Variants in TENM3 observed in about 807,000 individuals in gnomAD.
TENM3 encodes the protein teneurin transmembrane protein 3.
In TENM3, 63 loss-of-function variants were observed where a neutral mutation model predicts 255.1. That is an observed-to-expected ratio of 0.25 (90% confidence interval 0.20 to 0.30). The LOEUF is 0.30. Among genes scored for constraint, TENM3 ranks in the 10% least tolerant of loss-of-function variants. The probability of loss-of-function intolerance (pLI) is 1.00; values close to 1 mark genes in which losing one functional copy is unlikely to be tolerated. For synonymous variants in TENM3, 1,306 were observed against 1,322.3 expected (o/e 0.99, Z 0.27); for missense variants, 2,929 against 3,461.1 (o/e 0.85, Z 3.86).
At chr4:181,605,569 AGAGAGAGAAAGAAAG>A in the TENM3 span, among the ~76,000 whole-genome samples, 20,435 of 52,796 alleles carry the variant, frequency 0.39, 4,885 homozygotes, top group Non-Finnish European at 0.5. Flanking sequence ...AAAGAAAGAA[AGAGAGAGAAAGAAAG>A]GAAAGAAAGA....
the TENM3 span, among the ~76,000 whole-genome samples, chr4:181,864,581 G>T: frequency 6.6e-6 from 1 of 152,128 alleles, no homozygotes; most frequent in Non-Finnish European, 1.5e-5. Flanking sequence ...CTGGGAAACC[G>T]GTGTGGGTAA....
At chr4:182,731,544 G>A (rs886291454) in intron 16 of TENM3, among the ~76,000 whole-genome samples, 6 of 150,718 alleles carry the variant, frequency 4.0e-5, no homozygotes, top group South Asian at 2.1e-4. Context: ...AAAAACCCAC[G>A]GATTATAGAA....
At chr4:182,041,249 A>C in the TENM3 span, among the ~76,000 whole-genome samples, 1 of 152,190 alleles carries the variant, frequency 6.6e-6, no homozygotes, top group South Asian at 2.1e-4. Flanking sequence ...GATCTTCAAC[A>C]TAACCTTGAT....
At chr4:181,763,595 C>A in the TENM3 span, among the ~76,000 whole-genome samples, 1 of 152,126 alleles carries the variant, frequency 6.6e-6, no homozygotes, top group Non-Finnish European at 1.5e-5. Flanking sequence ...CAGAACCACA[C>A]CTATCACTTA....
In TENM3 at chr4:182,421,198, ATCT is replaced by A. The variant is rs139309780; in HGVS notation, c.511+74272_511+74274del. On this transcript the variant is annotated intron_variant, in intron 3 of 27. Transcript: ENST00000511685. ...TCTTCATTGTCCTCACCCCCTCTTC[ATCT>A]TCATCTTCACCCTCGTCATCACCCT... Among the ~76,000 whole-genome samples, 7 of 152,190 alleles carry A rather than the reference ATCT, an allele frequency of 4.6e-5. No homozygotes were observed. The East Asian group carries it at 1.4e-3, about 29-fold the overall frequency.
intron 1 of TENM3, among the ~76,000 whole-genome samples, chr4:182,195,839 C>G (rs1579672152): frequency 6.6e-6 from 1 of 152,092 alleles, no homozygotes; most frequent in Non-Finnish European, 1.5e-5. Flanking sequence ...CTAATTATTA[C>G]TATTTATGAA....
At chr4:182,241,267 C>A (rs559200186), upstream of TENM3, among the ~76,000 whole-genome samples, 2 of 152,276 alleles carry the variant, frequency 1.3e-5, no homozygotes, top group East Asian at 3.9e-4. Flanking sequence ...TCTCTTGTAA[C>A]AACAGTTTTC....
chr4:182,643,822 G>A (rs1388566874), intron 5 of TENM3, among the ~76,000 whole-genome samples: 1 of 152,208 alleles, frequency 6.6e-6, no homozygotes, highest in Non-Finnish European at 1.5e-5. Flanking sequence ...TTGCAAGAAA[G>A]GGAAACTCTA....
the TENM3 span, among the ~76,000 whole-genome samples, chr4:181,702,312 T>C: frequency 2.6e-5 from 4 of 152,276 alleles, no homozygotes; most frequent in East Asian, 7.7e-4. Context: ...TTACGATACA[T>C]AAATAAAATG....
In TENM3 at chr4:182,580,005, C is replaced by T. The variant is rs17073607; in HGVS notation, c.512-20919C>T. 3.8e-3 allele frequency among the ~76,000 whole-genome samples: 577 copies of T among 152,100 alleles called. 4 individuals are homozygous for T. The highest frequency in any genetic ancestry group is 0.013 in the African/African-American group (550 of 41,492). On this transcript the variant is annotated intron_variant, in intron 3 of 27. Coordinates refer to ENST00000511685, the MANE Select transcript of TENM3 (RefSeq NM_001080477.4). ...AGAAAATTTGCAGGATGTTGAGGTC[C>T]GTTGCTGCTGCTGCTGCTGTTTCTG... is the stretch of plus-strand genomic sequence containing the variant.
At chr4:182,438,529 G>T (rs987342856) in intron 3 of TENM3, among the ~76,000 whole-genome samples, 6 of 151,520 alleles carry the variant, frequency 4.0e-5, no homozygotes, top group African/African-American at 1.2e-4. Flanking sequence ...AAACTGACTT[G>T]TTTTTTTTCC....
chr4:182,497,499 A>G (rs1560830892), intron 3 of TENM3, among the ~76,000 whole-genome samples: 1 of 152,210 alleles, frequency 6.6e-6, no homozygotes, highest in Non-Finnish European at 1.5e-5. Flanking sequence ...CTAGTTTTCT[A>G]AAAATATGGA....
intron 3 of TENM3, among the ~76,000 whole-genome samples, chr4:182,598,459 C>T (rs1281107112): frequency 3.3e-5 from 5 of 152,148 alleles, no homozygotes; most frequent in African/African-American, 7.2e-5. Context: ...AAAATGAAGA[C>T]GTGTACCTAA....
intron 3 of TENM3, among the ~76,000 whole-genome samples, chr4:182,427,990 A>T (rs1771355900): frequency 6.6e-6 from 1 of 151,606 alleles, no homozygotes; most frequent in Admixed American, 6.6e-5. Flanking sequence ...CTGTTCCCAC[A>T]AAAGGAAAAT....
At chr4:182,442,166 T>C (rs1772539141) in intron 3 of TENM3, among the ~76,000 whole-genome samples, 1 of 152,134 alleles carries the variant, frequency 6.6e-6, no homozygotes, top group Non-Finnish European at 1.5e-5. Context: ...TGCATAAATA[T>C]ATGTGCATAC....
chr4:182,103,522 G>T, the TENM3 span, among the ~76,000 whole-genome samples: 1 of 152,098 alleles, frequency 6.6e-6, no homozygotes, highest in African/African-American at 2.4e-5. Context: ...AAATACCAGG[G>T]AACATACAAT....
At chr4:182,048,992 G>A in the TENM3 span, among the ~76,000 whole-genome samples, 2 of 152,092 alleles carry the variant, frequency 1.3e-5, no homozygotes, top group East Asian at 3.9e-4. Flanking sequence ...CCAACTAAGG[G>A]TACATTTTGT....
intron 3 of TENM3, among the ~76,000 whole-genome samples, chr4:182,565,562 G>GA (rs1743692922): frequency 6.6e-6 from 1 of 152,098 alleles, no homozygotes. Flanking sequence ...CTTAATTATT[G>GA]AAATTAGCAT....
At chr4:181,505,558 T>C in the TENM3 span, among the ~76,000 whole-genome samples, 1 of 152,226 alleles carries the variant, frequency 6.6e-6, no homozygotes. Flanking sequence ...TTCTTTTTAC[T>C]GAATAACAGT....
Sources: gnomAD v4.1 joint callset for allele counts (sites outside exome capture counted in the v4.1 genomes callset) on GRCh38, gnomAD v4.1.1 for gene constraint, MANE v1.5 for transcripts, NCBI Gene and HGNC (gene_info 2026-07-23, HGNC 2026-07-21) for gene names.